MYO16: variants seen among roughly 807,000 people sequenced by gnomAD.
MYO16 encodes myosin XVI.
In MYO16, 94 loss-of-function variants were observed where a neutral mutation model predicts 205.3. That is an observed-to-expected ratio of 0.46 (90% confidence interval 0.39 to 0.54). The LOEUF (loss-of-function observed/expected upper bound fraction) is 0.54. Among genes scored for constraint, MYO16 ranks in the 20% least tolerant of loss-of-function variants. The probability of loss-of-function intolerance (pLI) is 0.00; values close to 1 mark genes in which losing one functional copy is unlikely to be tolerated. For missense variants in MYO16, 2,315 were observed against 2,387.5 expected, an observed-to-expected ratio of 0.97 and a Z score of 0.63; for synonymous variants, 988 against 954.0, an observed-to-expected ratio of 1.04 and a Z score of -0.66.
intron 20 of MYO16, among the ~76,000 whole-genome samples, chr13:108,975,203 T>A (rs776657510): frequency 6.6e-6 from 1 of 151,676 alleles, no homozygotes; most frequent in Non-Finnish European, 1.5e-5. Flanking sequence ...TTTTTTTTTA[T>A]TAAAAAGGCC....
chr13:109,159,221 T>C (rs1373040338), intron 32 of MYO16, among the ~76,000 whole-genome samples: 3 of 152,322 alleles, frequency 2.0e-5, no homozygotes, highest in South Asian at 2.1e-4. Context: ...ATTCACCTCA[T>C]GCAATGAGAT....
At chr13:108,656,658 T>G (rs1881259161) in intron 1 of MYO16, among the ~76,000 whole-genome samples, 1 of 152,256 alleles carries the variant, frequency 6.6e-6, no homozygotes, top group East Asian at 1.9e-4. Context: ...AAGTCAATTT[T>G]GTTTTCCTTT....
chr13:108,961,391 G>A, intron 17 of MYO16, 148 bp from the exon 18 acceptor site: 2 of 599,148 alleles, frequency 3.3e-6, no homozygotes, highest in Non-Finnish European at 3.0e-6. Context: ...TAGTTTTCTT[G>A]CCATATCGAA....
chr13:109,174,224 A>G (rs1384263391), intron 33 of MYO16, among the ~76,000 whole-genome samples: 1 of 152,182 alleles, frequency 6.6e-6, no homozygotes, highest in Non-Finnish European at 1.5e-5. Flanking sequence ...AAGGAGGTTA[A>G]TTCTATAAGC....
At chr13:108,498,185 AG>A in the MYO16 span, among the ~76,000 whole-genome samples, 1 of 152,336 alleles carries the variant, frequency 6.6e-6, no homozygotes, top group Non-Finnish European at 1.5e-5. Flanking sequence ...TCTCATCACC[AG>A]GGCAAATCCA....
chr13:109,178,871 C>T (rs982536641), intron 33 of MYO16, among the ~76,000 whole-genome samples: 2 of 152,182 alleles, frequency 1.3e-5, no homozygotes, highest in Admixed American at 6.5e-5. Context: ...CTGCTTTGAT[C>T]ATAAAGGATA....
chr13:108,775,426 G>A (rs1464756118), intron 4 of MYO16, among the ~76,000 whole-genome samples: 1 of 152,152 alleles, frequency 6.6e-6, no homozygotes, highest in Non-Finnish European at 1.5e-5. Context: ...AATGGGCAAT[G>A]TCAAAAGAAA....
intron 4 of MYO16, among the ~76,000 whole-genome samples, chr13:108,782,530 C>A (rs886844201): frequency 6.6e-6 from 1 of 152,188 alleles, no homozygotes; most frequent in East Asian, 1.9e-4. Context: ...AGGAGAAATT[C>A]AAGCTGGCTG....
intron 14 of MYO16, among the ~76,000 whole-genome samples, chr13:108,889,723 A>G (rs1454200974): frequency 6.6e-5 from 10 of 152,200 alleles, no homozygotes; most frequent in African/African-American, 2.4e-4. Context: ...ATATTATTTT[A>G]GAGGATACTC....
chr13:108,971,487 T>C (rs1884010953), intron 20 of MYO16, among the ~76,000 whole-genome samples: 1 of 150,794 alleles, frequency 6.6e-6, no homozygotes, highest in African/African-American at 2.5e-5. Context: ...TATTTGAGTA[T>C]ACTTTTATTC....
At chr13:108,730,191 T>G (rs182891365) in intron 4 of MYO16, among the ~76,000 whole-genome samples, 7 of 152,162 alleles carry the variant, frequency 4.6e-5, no homozygotes, top group African/African-American at 1.7e-4. Context: ...GTTTCCCCCA[T>G]GCTATTCTCA....
At chr13:108,577,964 G>A in the MYO16 span, among the ~76,000 whole-genome samples, 1 of 151,924 alleles carries the variant, frequency 6.6e-6, no homozygotes, top group Non-Finnish European at 1.5e-5. Flanking sequence ...GCCCCATCAG[G>A]GATCTTTTAT....
intron 28 of MYO16, among the ~76,000 whole-genome samples, chr13:109,118,189 G>T (rs921487792): frequency 2.0e-5 from 3 of 152,090 alleles, no homozygotes; most frequent in Admixed American, 6.5e-5. Flanking sequence ...TTTCTCTAAA[G>T]CTGTTTCTTG....
chr13:109,202,741 C>G (rs1171134953), intron 34 of MYO16, among the ~76,000 whole-genome samples: 1 of 152,034 alleles, frequency 6.6e-6, no homozygotes, highest in African/African-American at 2.4e-5. Flanking sequence ...GCCCACATAG[C>G]CAAAGCAAGA....
chr13:108,498,926 CCTT>C, the MYO16 span, among the ~76,000 whole-genome samples: 1 of 152,222 alleles, frequency 6.6e-6, no homozygotes, highest in Non-Finnish European at 1.5e-5. Context: ...TGGTCCTTCT[CCTT>C]CTCACAGATG....
intron 32 of MYO16, among the ~76,000 whole-genome samples, chr13:109,159,383 T>A (rs1429195704): frequency 6.6e-6 from 1 of 152,238 alleles, no homozygotes; most frequent in Admixed American, 6.5e-5. Context: ...TGCATAAAAT[T>A]TTCATTTAGT....
the MYO16 span, among the ~76,000 whole-genome samples, chr13:108,556,119 C>T: frequency 1.3e-5 from 2 of 151,844 alleles, no homozygotes; most frequent in African/African-American, 2.4e-5. Context: ...GCAGATCTCT[C>T]TTTGACACAC....
At chr13:108,911,194 A>G (rs949766865) in intron 16 of MYO16, among the ~76,000 whole-genome samples, 2 of 148,914 alleles carry the variant, frequency 1.3e-5, no homozygotes, top group African/African-American at 4.9e-5. Context: ...GAGTACACAC[A>G]TAGGCTGCTT....
the MYO16 span, among the ~76,000 whole-genome samples, chr13:108,534,072 G>A: frequency 3.3e-5 from 5 of 152,270 alleles, no homozygotes; most frequent in South Asian, 6.2e-4. Flanking sequence ...GAATTGAAAC[G>A]GTGCTTGTTC....
Sources: gnomAD v4.1 joint callset for allele counts (sites outside exome capture counted in the v4.1 genomes callset) on GRCh38, gnomAD v4.1.1 for gene constraint, MANE v1.5 for transcripts, NCBI Gene and HGNC (gene_info 2026-07-23, HGNC 2026-07-21) for gene names.